CLEC1A: variants seen among roughly 807,000 people sequenced by gnomAD.
The protein encoded by CLEC1A is C-type lectin domain family 1 member A.
In CLEC1A, 34 loss-of-function variants were observed where a neutral mutation model predicts 28.7. The ratio of observed to expected loss-of-function variants is 1.18; its 90% CI spans 0.90 to 1.57. The LOEUF is 1.57. Ranked by LOEUF, CLEC1A falls within the 40% of genes most tolerant of loss-of-function variation. The probability of loss-of-function intolerance (pLI) is 0.00; values close to 1 mark genes in which losing one functional copy is unlikely to be tolerated. For synonymous variants in CLEC1A, 116 were observed against 121.0 expected (o/e 0.96, Z 0.27); for missense variants, 385 against 339.5 (o/e 1.13, Z -1.05).
chr12:10,095,030 T>G (rs1947758383), intron 1 of CLEC1A, among the ~76,000 whole-genome samples: 1 of 152,172 alleles, frequency 6.6e-6, no homozygotes, highest in Non-Finnish European at 1.5e-5. Context: ...TAAATGACAT[T>G]TACTACAACT....
intron 3 of CLEC1A, among the ~76,000 whole-genome samples, chr12:10,079,358 A>C (rs1248596346): frequency 6.6e-6 from 1 of 152,224 alleles, no homozygotes; most frequent in Non-Finnish European, 1.5e-5. Flanking sequence ...TCTAACCAAA[A>C]ATATGTAAGA....
intron 2 of CLEC1A, among the ~76,000 whole-genome samples, chr12:10,083,988 AAGAC>A (rs1425418654): frequency 8.4e-6 from 1 of 119,132 alleles, no homozygotes; most frequent in Non-Finnish European, 1.8e-5. Context: ...CAATCTGACA[AAGAC>A]AAAGATAATA....
intron 1 of CLEC1A, among the ~76,000 whole-genome samples, chr12:10,093,577 A>C (rs1356154414): frequency 1.3e-5 from 2 of 151,916 alleles, no homozygotes; most frequent in African/African-American, 4.8e-5. Context: ...CTAAGCTGAC[A>C]TTACCATATA....
In CLEC1A at chr12:10,098,835, T is replaced by G; in HGVS notation, c.88A>C (p.Thr30Pro). ...MSLHSQGSAT[T>P]RHPEPRRTEH... The stretch of plus-strand genomic sequence containing the variant: ...GTGCGCCGGGGCTCTGGATGCCGAG[T>G]TGTGGCAGAGCCTTGAGAATGCAGG... Residue 30 changes from threonine to proline, a missense_variant, in exon 1 of 6, where the codon ACT (threonine) becomes CCT (proline). Physicochemically the swap from Thr to Pro is conservative, Grantham distance 38 (BLOSUM62 -1). Coordinates refer to ENST00000315330, the MANE Select transcript of CLEC1A (RefSeq NM_016511.4). The G allele has an allele frequency of 6.2e-7, 1 of 1,613,312 alleles. No individual in the cohort carries two copies. The highest frequency in any genetic ancestry group is 1.1e-5 in the South Asian group (1 of 90,882).
chr12:10,085,196 A>AACACACACACACAC (rs144572464), intron 2 of CLEC1A, among the ~76,000 whole-genome samples: 12 of 129,142 alleles, frequency 9.3e-5, no homozygotes, highest in South Asian at 5.4e-4. Flanking sequence ...ATAAGACAAT[A>AACACACACACACAC]ACACACACAC....
At chr12:10,077,257 A>G (rs1293964919) in intron 3 of CLEC1A, among the ~76,000 whole-genome samples, 2 of 152,158 alleles carry the variant, frequency 1.3e-5, no homozygotes, top group Admixed American at 6.6e-5. Flanking sequence ...ACTATTACTT[A>G]AACCATTGGA....
chr12:10,089,116 A>T lies in CLEC1A; in HGVS notation c.214+8T>A, dbSNP rs373623365. ...AGGATCCTCCCCCAGGTCAGAGCGC[A>T]GACTTACACAAAAGCCCCAGGGCTG... On this transcript the variant is annotated splice_region_variant and intron_variant, in intron 2 of 5. Transcript: ENST00000315330. 11 of 1,609,034 alleles carry T rather than the reference A, an allele frequency of 6.8e-6. No homozygotes were observed. The African/African-American group carries it at 1.5e-4, about 21-fold the overall frequency.
chr12:10,077,271 G>T (rs1866270345), intron 3 of CLEC1A, among the ~76,000 whole-genome samples: 1 of 151,888 alleles, frequency 6.6e-6, no homozygotes, highest in Non-Finnish European at 1.5e-5. Flanking sequence ...CATTGGAGGA[G>T]GAAAATAGAA....
chr12:10,098,228 T>G (rs1406589561), intron 1 of CLEC1A, among the ~76,000 whole-genome samples: 1 of 152,192 alleles, frequency 6.6e-6, no homozygotes, highest in African/African-American at 2.4e-5. Context: ...AGCAATTTTG[T>G]GTCAGTCTAT....
At chr12:10,085,846 A>G (rs1475011038) in intron 2 of CLEC1A, among the ~76,000 whole-genome samples, 1 of 152,170 alleles carries the variant, frequency 6.6e-6, no homozygotes, top group African/African-American at 2.4e-5. Context: ...CTTAAAAGAT[A>G]TTTACAAAAC....
At chr12:10,072,363 T>C (rs974420566) in intron 5 of CLEC1A, among the ~76,000 whole-genome samples, 2 of 152,230 alleles carry the variant, frequency 1.3e-5, no homozygotes, top group South Asian at 4.1e-4. Context: ...CATTCATTTA[T>C]GCTGATGCAA....
At chr12:10,077,951 T>C (rs1866289927) in intron 3 of CLEC1A, among the ~76,000 whole-genome samples, 1 of 152,146 alleles carries the variant, frequency 6.6e-6, no homozygotes, top group Non-Finnish European at 1.5e-5. Flanking sequence ...CTCGACCACA[T>C]CTCTATGCTT....
At chr12:10,094,944 C>T (rs564878503) in intron 1 of CLEC1A, among the ~76,000 whole-genome samples, 1 of 151,524 alleles carries the variant, frequency 6.6e-6, no homozygotes, top group South Asian at 2.1e-4. Flanking sequence ...TCTGGGAACT[C>T]GCAAAACTAA....
Position 10,098,957 on chromosome 12 carries a change from C to T in CLEC1A, c.-35G>A, listed in dbSNP as rs147510597. On this transcript the variant is annotated 5_prime_UTR_variant, in exon 1 of 6. Coordinates refer to ENST00000315330, the MANE Select transcript of CLEC1A (RefSeq NM_016511.4). ...TACAGCGGTGAGAGTGAAATGTGGT[C>T]GGATTGCCCTGGGCCGCCGGGCTAC... The T allele has an allele frequency of 3.9e-5, 59 of 1,523,858 alleles. No homozygotes were observed. In the African/African-American group the frequency reaches 6.3e-4, roughly 16 times the overall value. The allele number at this position is 1,523,858 out of a possible 1,614,324, so 94.4% of individuals were successfully genotyped here.
intron 1 of CLEC1A, chr12:10,092,445 G>C: frequency 2.6e-6 from 1 of 390,186 alleles, no homozygotes; most frequent in South Asian, 1.8e-5. Flanking sequence ...TACTCAGAAG[G>C]CTGAGGTGGG....
chr12:10,085,269 C>G (rs1272362484), intron 2 of CLEC1A, among the ~76,000 whole-genome samples: 2 of 146,842 alleles, frequency 1.4e-5, no homozygotes, highest in African/African-American at 5.0e-5. Flanking sequence ...CAGGCAAGAA[C>G]TAGCATAATG....
chr12:10,072,068 G>A (rs908459483), intron 5 of CLEC1A, among the ~76,000 whole-genome samples: 1 of 152,140 alleles, frequency 6.6e-6, no homozygotes, highest in Admixed American at 6.5e-5. Flanking sequence ...TCGGGTCATC[G>A]GGGTGGATCC....
At position 10,070,873 on chromosome 12, in the gene CLEC1A, G is replaced by T. The variant is rs1408352735; in HGVS notation, c.*460C>A. ...TAGTATGAACTGAAACAAACAAAAA[G>T]AATTCCTTGTGTATTTGCTGGTACA... is the stretch of plus-strand genomic sequence containing the variant. On this transcript the variant is annotated 3_prime_UTR_variant, in exon 6 of 6. Transcript: ENST00000315330. 1 of 153,612 alleles carries T rather than the reference G, an allele frequency of 6.5e-6. No homozygotes were observed. The highest frequency in any genetic ancestry group is 1.4e-5 in the Non-Finnish European group (1 of 68,996). The allele number at this position is 153,612 out of a possible 1,614,324, so 9.5% of individuals were successfully genotyped here.
intron 2 of CLEC1A, among the ~76,000 whole-genome samples, chr12:10,086,911 G>A (rs6488252): frequency 0.79 from 119,933 of 151,984 alleles, 48,601 homozygotes; most frequent in Middle Eastern, 0.88. Context: ...TCAACAAAAG[G>A]CTAGCTAACT....
Sources: gnomAD v4.1 joint callset for allele counts (sites outside exome capture counted in the v4.1 genomes callset) on GRCh38, gnomAD v4.1.1 for gene constraint, MANE v1.5 for transcripts, NCBI Gene and HGNC (gene_info 2026-07-23, HGNC 2026-07-21) for gene names.